Variants in CDH13 observed in about 807,000 individuals in gnomAD.
CDH13 encodes cadherin 13, also known as cadherin-13.
CDH13 carries 24 observed loss-of-function variants against 63.8 expected under a neutral mutation model. The observed-to-expected ratio is 0.38, with a 90% CI of 0.27 to 0.53. The LOEUF is 0.53. Among genes scored for constraint, CDH13 ranks in the 20% least tolerant of loss-of-function variants. The pLI is 0.85. For synonymous variants in CDH13, 503 were observed against 355.3 expected (o/e 1.42, Z -4.67); for missense variants, 1,049 against 903.1 (o/e 1.16, Z -2.07).
At chr16:83,756,762 T>C (rs143952062) in intron 11 of CDH13, among the ~76,000 whole-genome samples, 8 of 152,326 alleles carry the variant, frequency 5.3e-5, no homozygotes, top group African/African-American at 1.9e-4. Context: ...TAAATCTGTA[T>C]GTACTGGACA....
At chr16:83,063,623 G>T (rs1477019814) in intron 3 of CDH13, among the ~76,000 whole-genome samples, 1 of 152,202 alleles carries the variant, frequency 6.6e-6, no homozygotes. Context: ...GGATTAGGGA[G>T]ATGTTGTTTA....
intron 5 of CDH13, among the ~76,000 whole-genome samples, chr16:83,305,686 A>G (rs1437224990): frequency 6.6e-6 from 1 of 152,176 alleles, no homozygotes; most frequent in Non-Finnish European, 1.5e-5. Context: ...AGTGCTGCCA[A>G]TTAATAGCCA....
At chr16:83,462,220 C>G (rs2073199933) in intron 6 of CDH13, among the ~76,000 whole-genome samples, 1 of 152,210 alleles carries the variant, frequency 6.6e-6, no homozygotes, top group African/African-American at 2.4e-5. Flanking sequence ...TTCAGCAGGA[C>G]CTGTCTCTGC....
chr16:83,631,159 G>T (rs763352969), intron 8 of CDH13, among the ~76,000 whole-genome samples: 1 of 152,162 alleles, frequency 6.6e-6, no homozygotes, highest in Non-Finnish European at 1.5e-5. Flanking sequence ...GTCAACGAGC[G>T]CAAGTTGTAA....
At chr16:82,890,451 C>T (rs541114302) in intron 2 of CDH13, among the ~76,000 whole-genome samples, 11 of 152,192 alleles carry the variant, frequency 7.2e-5, no homozygotes, top group South Asian at 2.1e-4. Context: ...TTGCTAGAGT[C>T]GGAATAAATA....
intron 2 of CDH13, among the ~76,000 whole-genome samples, chr16:82,921,930 AT>A (rs750546657): frequency 2.0e-5 from 3 of 152,180 alleles, no homozygotes; most frequent in East Asian, 3.9e-4. Flanking sequence ...TATTATTATT[AT>A]TATTTGTTTT....
chr16:83,211,757 TC>T (rs5818429), intron 4 of CDH13, among the ~76,000 whole-genome samples: 18,756 of 147,014 alleles, frequency 0.13, 3,257 homozygotes, highest in African/African-American at 0.4. Context: ...GACGCCCACC[TC>T]CCCCCCCCAA....
chr16:83,453,690 A>G (rs2072942472), intron 6 of CDH13, among the ~76,000 whole-genome samples: 1 of 152,134 alleles, frequency 6.6e-6, no homozygotes, highest in Non-Finnish European at 1.5e-5. Context: ...AATTGGCTGT[A>G]TGTGGGCAAT....
intron 3 of CDH13, among the ~76,000 whole-genome samples, chr16:83,123,025 C>T (rs1053517968): frequency 2.0e-4 from 30 of 152,204 alleles, no homozygotes; most frequent in Non-Finnish European, 2.8e-4. Context: ...TGAAAATATG[C>T]GGCATTTTTC....
intron 5 of CDH13, among the ~76,000 whole-genome samples, chr16:83,273,941 C>G (rs1312077759): frequency 1.3e-5 from 2 of 152,096 alleles, no homozygotes; most frequent in African/African-American, 2.4e-5. Flanking sequence ...AATGATTCAC[C>G]CATACTAGTC....
intron 11 of CDH13, among the ~76,000 whole-genome samples, chr16:83,748,902 G>A (rs775555968): frequency 1.3e-5 from 2 of 152,194 alleles, no homozygotes; most frequent in East Asian, 3.9e-4. Flanking sequence ...CAGACTGTAG[G>A]GCACAAGGGC....
At chr16:83,030,861 C>T (rs1916243857) in intron 2 of CDH13, among the ~76,000 whole-genome samples, 1 of 151,828 alleles carries the variant, frequency 6.6e-6, no homozygotes, top group South Asian at 2.1e-4. Context: ...CCTTCTAGAT[C>T]CCCACCATTC....
At chr16:82,958,690 G>A (rs1184498009) in intron 2 of CDH13, among the ~76,000 whole-genome samples, 2 of 152,170 alleles carry the variant, frequency 1.3e-5, no homozygotes, top group East Asian at 1.9e-4. Context: ...ATTCATTTAG[G>A]AGTCACTTGA....
rs1289236931 is a variant in CDH13 at position 83,174,520 on chromosome 16, G to A, written c.484-42825G>A. ...AAAGTTTACACTTCATGACCATAAA[G>A]AGGACCCTTTATGCTTGTATGTAGA... On this transcript the variant is annotated intron_variant, in intron 4 of 13. Transcript: ENST00000567109. Among the ~76,000 whole-genome samples the A allele has an allele frequency of 2.6e-5, 4 of 152,036 alleles. No individual in the cohort carries two copies. In the East Asian group the frequency reaches 5.8e-4, roughly 22 times the overall value.
intron 5 of CDH13, among the ~76,000 whole-genome samples, chr16:83,241,152 T>A (rs997149750): frequency 6.6e-6 from 1 of 152,214 alleles, no homozygotes; most frequent in South Asian, 2.1e-4. Context: ...TAGTCTCATA[T>A]GACAGGATTT....
chr16:83,524,656 G>T (rs1013716607), intron 7 of CDH13, among the ~76,000 whole-genome samples: 3 of 151,932 alleles, frequency 2.0e-5, no homozygotes, highest in Non-Finnish European at 4.4e-5. Flanking sequence ...GTTTCACCAT[G>T]TTAGCCAGGA....
At chr16:83,065,720 A>G (rs1464898534) in intron 3 of CDH13, among the ~76,000 whole-genome samples, 2 of 89,978 alleles carry the variant, frequency 2.2e-5, no homozygotes, top group Non-Finnish European at 4.0e-5. Flanking sequence ...AAACAAAAAA[A>G]CAAAAAAACA....
intron 2 of CDH13, among the ~76,000 whole-genome samples, chr16:82,933,802 C>T (rs748175070): frequency 2.6e-5 from 4 of 152,204 alleles, no homozygotes; most frequent in Non-Finnish European, 4.4e-5. Context: ...TCCAACAAGG[C>T]AGTAATTAAC....
intron 2 of CDH13, among the ~76,000 whole-genome samples, chr16:82,910,444 G>A (rs894592140): frequency 3.2e-4 from 48 of 152,220 alleles, no homozygotes; most frequent in African/African-American, 9.9e-4. Context: ...CTCTGCATCT[G>A]TTGACTTTAG....
Sources: gnomAD v4.1 joint callset for allele counts (sites outside exome capture counted in the v4.1 genomes callset) on GRCh38, gnomAD v4.1.1 for gene constraint, MANE v1.5 for transcripts, NCBI Gene and HGNC (gene_info 2026-07-23, HGNC 2026-07-21) for gene names.